Variants in NPHP4 observed in about 807,000 individuals in gnomAD.
The protein encoded by NPHP4 is nephrocystin 4.
A neutral mutation model predicts 155.8 loss-of-function variants in NPHP4; 151 were observed. The ratio of observed to expected loss-of-function variants is 0.97; its 90% CI spans 0.85 to 1.11. The LOEUF is 1.11. NPHP4 is among the 50% of genes least tolerant of loss of function. The pLI, the probability that NPHP4 is intolerant of heterozygous loss-of-function variation, is 0.00. For synonymous variants in NPHP4, 845 were observed against 816.8 expected (o/e 1.03, Z -0.59); for missense variants, 1,956 against 1,925.7 (o/e 1.02, Z -0.29).
At chr1:5,907,281 C>T (rs1226930063) in intron 12 of NPHP4, 59 bp from the exon 13 acceptor site, 1 of 1,151,154 alleles carries the variant, frequency 8.7e-7, no homozygotes, top group Admixed American at 2.2e-5. Context: ...GTCCACAAAG[C>T]TCCCAACATG....
At chr1:5,955,481 A>C (rs1361313933) in intron 6 of NPHP4, among the ~76,000 whole-genome samples, 1 of 152,264 alleles carries the variant, frequency 6.6e-6, no homozygotes, top group Non-Finnish European at 1.5e-5. Flanking sequence ...CACAGAATCA[A>C]CCTAGGTGTT....
At chr1:5,939,443 G>A (rs1218170763) in intron 9 of NPHP4, among the ~76,000 whole-genome samples, 2 of 152,244 alleles carry the variant, frequency 1.3e-5, no homozygotes, top group Non-Finnish European at 2.9e-5. Context: ...GGCCCCAGCG[G>A]CTGGCATGTG....
rs34373111 is a variant in NPHP4 at position 5,904,729 on chromosome 1, G to A, written c.2031C>T (p.Pro677=). The change falls in exon 16 of 30, where the codon CCC becomes CCT. Residue 677 remains proline, a synonymous_variant. Coordinates refer to ENST00000378156, the MANE Select transcript of NPHP4 (RefSeq NM_015102.5). ...CCAGCTGCAGTCGTGGCGTCGTTGC[G>A]GGTGGGAAGCGGTAGAACTGGAAGG... ...YFTFQFYRFP[P]ATTPRLQLVQ... is the part of the protein sequence containing the mutation. 3,107 of 1,613,998 alleles carry A rather than the reference G, an allele frequency of 1.9e-3. 55 individuals are homozygous for A. The African/African-American group carries it at 0.035, about 18-fold the overall frequency.
chr1:5,960,461 C>T (rs536786475), intron 6 of NPHP4, among the ~76,000 whole-genome samples: 5 of 152,220 alleles, frequency 3.3e-5, no homozygotes, highest in African/African-American at 9.6e-5. Context: ...GCGCCGGAGC[C>T]GAGCTGCATC....
intron 2 of NPHP4, 87 bp from the exon 3 acceptor site, chr1:5,978,500 C>T: frequency 2.4e-6 from 3 of 1,261,734 alleles, no homozygotes; most frequent in Non-Finnish European, 3.4e-6. Flanking sequence ...GCATATGGGG[C>T]CACCTCGCTC....
intron 18 of NPHP4, chr1:5,881,305 C>T (rs774507976): frequency 1.3e-5 from 2 of 152,266 alleles, no homozygotes; most frequent in Non-Finnish European, 2.9e-5. Flanking sequence ...CCGTCCAACC[C>T]AGGTTCTCCT....
At position 5,864,391 on chromosome 1, in the gene NPHP4, G is replaced by C. The variant is rs776086986; in HGVS notation, c.3943C>G (p.Leu1315Val). The change falls in exon 28 of 30, where the codon CTG becomes GTG. Residue 1315 changes from leucine (L) to valine (V), a missense_variant. Leu to Val is a conservative substitution (Grantham distance 32). Transcript: ENST00000378156. ...LNLVDVDCHQ[L>V]VASWLVCLCC... Reference sequence around the variant, plus strand: ...AGGCACACGAGCCAGGAGGCCACCAGCTGGTGGCAATCCACGTCCACCAGG... The same window carrying C: ...AGGCACACGAGCCAGGAGGCCACCACCTGGTGGCAATCCACGTCCACCAGG... The C allele has an allele frequency of 6.2e-7, 1 of 1,611,726 alleles. No individual in the cohort carries two copies. Among genetic ancestry groups the C allele is most frequent in the East Asian group, 2.2e-5 (1 of 44,830 alleles).
At position 5,864,413 on chromosome 1, in the gene NPHP4, C is replaced by A; in HGVS notation, c.3921G>T (p.Leu1307=). The change falls in exon 28 of 30, where the codon CTG becomes CTT. Residue 1307 remains leucine (L), a synonymous_variant. Coordinates refer to ENST00000378156, the MANE Select transcript of NPHP4 (RefSeq NM_015102.5). ...CCAGCTGGTGGCAATCCACGTCCAC[C>A]AGGTTGAGATGGACAAAGCGGCTGC... The part of the protein sequence containing the change: ...RAGSRFVHLN[L]VDVDCHQLVA... 2 of 1,611,934 alleles carry A rather than the reference C, an allele frequency of 1.2e-6. No individual in the cohort carries two copies.
At chr1:5,954,736 T>C (rs1224367073) in intron 6 of NPHP4, among the ~76,000 whole-genome samples, 3 of 152,316 alleles carry the variant, frequency 2.0e-5, no homozygotes, top group East Asian at 1.9e-4. Flanking sequence ...CCTGAAACTA[T>C]GAAACTACTA....
Position 5,868,210 on chromosome 1 carries a change from A to G in NPHP4, c.3316-314T>C, listed in dbSNP as rs147887100. 3.8e-4 allele frequency: 168 copies of G among 437,346 alleles called. 4 individuals carry two copies. The East Asian group carries it at 8.4e-3, about 22-fold the overall frequency. The allele number at this position is 437,346 out of a possible 1,614,324, so 27.1% of individuals were successfully genotyped here. On this transcript the variant is annotated intron_variant, in intron 23 of 29. Transcript: ENST00000378156. Reference sequence around the variant, plus strand: ...TGGAGAAGGTCTGCAGTCCCAAGTCAAAACTACTCCTGCCATGATCCCACC... The same window carrying G: ...TGGAGAAGGTCTGCAGTCCCAAGTCGAAACTACTCCTGCCATGATCCCACC...
intron 16 of NPHP4, among the ~76,000 whole-genome samples, chr1:5,895,907 G>A (rs1248472639): frequency 2.0e-5 from 3 of 152,012 alleles, no homozygotes; most frequent in Admixed American, 6.6e-5. Flanking sequence ...CGCAGCTACC[G>A]TAGAGACGGG....
At chr1:5,989,342 G>A (rs944229019) in intron 1 of NPHP4, among the ~76,000 whole-genome samples, 12 of 152,122 alleles carry the variant, frequency 7.9e-5, no homozygotes, top group African/African-American at 1.7e-4. Flanking sequence ...AGCTGTCCAC[G>A]ACTTATAAGC....
rs1018273445 is a variant in NPHP4 at position 5,944,883 on chromosome 1, T to C, written c.1119+2221A>G. On this transcript the variant is annotated intron_variant, in intron 9 of 29. Coordinates refer to ENST00000378156, the MANE Select transcript of NPHP4 (RefSeq NM_015102.5). This position sits in a 1 kb window ranked among gnomAD's most constrained non-coding sequence, Gnocchi z 4.3. ...TACTCAGGAGACTGAGGCAGGAGAGTCACTTGAACCCAGGAGGCGGAGGTT... is the reference window on the plus strand; with the variant it reads ...TACTCAGGAGACTGAGGCAGGAGAGCCACTTGAACCCAGGAGGCGGAGGTT... Among the ~76,000 whole-genome samples, 1 of 150,626 alleles carries C rather than the reference T, an allele frequency of 6.6e-6. No individual in the cohort carries two copies. The highest frequency in any genetic ancestry group is 1.5e-5 in the Non-Finnish European group (1 of 67,700).
At chr1:5,954,865 A>G (rs997599131) in intron 6 of NPHP4, among the ~76,000 whole-genome samples, 1 of 152,366 alleles carries the variant, frequency 6.6e-6, no homozygotes. Context: ...ACAAAAGCAA[A>G]AAGAAACAAA....
At chr1:5,939,015 A>G (rs540980578) in intron 9 of NPHP4, among the ~76,000 whole-genome samples, 7 of 152,324 alleles carry the variant, frequency 4.6e-5, no homozygotes, top group East Asian at 1.9e-4. Context: ...AAATAGAATG[A>G]TGTCTTTTGT....
Position 5,908,596 on chromosome 1 carries a change from G to A in NPHP4, c.1503+556C>T, listed in dbSNP as rs77395041. Among the ~76,000 whole-genome samples the A allele has an allele frequency of 6.8e-3, 1,039 of 152,304 alleles. 6 individuals carry two copies. Among genetic ancestry groups the A allele is most frequent in the Middle Eastern group, 0.027 (8 of 294 alleles). On this transcript the variant is annotated intron_variant, in intron 12 of 29. Coordinates refer to ENST00000378156, the MANE Select transcript of NPHP4 (RefSeq NM_015102.5). Reference sequence around the variant, plus strand: ...CAGGAGCTCAGCTCAGACCGCTGGCGGGCAACGGCCCAGCGGGAAGGCGCC... The same window carrying A: ...CAGGAGCTCAGCTCAGACCGCTGGCAGGCAACGGCCCAGCGGGAAGGCGCC...
chr1:5,918,685 C>T (rs928343744), intron 11 of NPHP4, among the ~76,000 whole-genome samples: 4 of 152,146 alleles, frequency 2.6e-5, no homozygotes, highest in Non-Finnish European at 4.4e-5. Flanking sequence ...TAATCACAGG[C>T]GCATACTGAA....
At chr1:5,875,181 C>T (rs371414092) in intron 20 of NPHP4, 81 bp from the exon 21 acceptor site, 25 of 1,045,128 alleles carry the variant, frequency 2.4e-5, no homozygotes, top group East Asian at 1.0e-4. Flanking sequence ...GCCCACCACC[C>T]GCGATCTCAG....
intron 7 of NPHP4, among the ~76,000 whole-genome samples, chr1:5,950,858 T>C (rs1320849439): frequency 6.6e-6 from 1 of 151,980 alleles, no homozygotes; most frequent in Non-Finnish European, 1.5e-5. Flanking sequence ...AACCTGAAAA[T>C]AGCCCAAAAG....
Sources: gnomAD v4.1 joint callset for allele counts (sites outside exome capture counted in the v4.1 genomes callset) on GRCh38, gnomAD v4.1.1 for gene constraint, Gnocchi (gnomAD v3.1) non-coding constraint, MANE v1.5 for transcripts, NCBI Gene and HGNC (gene_info 2026-07-23, HGNC 2026-07-21) for gene names.